The following EXOSC10 variants were observed in gnomAD, a reference collection of about 807,000 sequenced individuals.
The protein encoded by EXOSC10 is exosome complex component 10.
A neutral mutation model predicts 126.6 loss-of-function variants in EXOSC10; 94 were observed. That is an observed-to-expected ratio of 0.74 (90% CI 0.63 to 0.88). The LOEUF is 0.88. Ranked by LOEUF, EXOSC10 falls within the 40% of genes least tolerant of loss-of-function variation. The pLI is 0.00. For synonymous variants in EXOSC10, 395 were observed against 400.8 expected (o/e 0.99, Z 0.17); for missense variants, 1,041 against 1,100.5 (o/e 0.95, Z 0.77).
intron 17 of EXOSC10, among the ~76,000 whole-genome samples, chr1:11,076,240 C>G (rs773810202): frequency 2.6e-5 from 4 of 151,490 alleles, no homozygotes; most frequent in Non-Finnish European, 5.9e-5. Flanking sequence ...CCCAGCTACT[C>G]AGGAGGCTGA....
chr1:11,099,220 G>C (rs1368554127), intron 1 of EXOSC10, among the ~76,000 whole-genome samples: 1 of 152,242 alleles, frequency 6.6e-6, no homozygotes, highest in Non-Finnish European at 1.5e-5. Flanking sequence ...ATACCTTCCA[G>C]GAGTTACTAA....
Position 11,088,143 on chromosome 1 carries a change from G to A in EXOSC10, c.814C>T (p.Leu272Phe), listed in dbSNP as rs573868496. ...CTAACCTGGGGTTGTGGCTTTTGAA[G>A]CACTGCATCTGCTGGGGTAAAGTGA... is the stretch of plus-strand genomic sequence containing the variant. ...LNHFTPADAV[L>F]QKPQPQLYRP... Residue 272 changes from leucine (L) to phenylalanine (F), a missense_variant, in exon 7 of 25, where the codon CTT (leucine) becomes TTT (phenylalanine). Physicochemically the swap from Leu to Phe is conservative, Grantham distance 22. Coordinates refer to ENST00000376936, the MANE Select transcript of EXOSC10 (RefSeq NM_001001998.3). 1 of 1,613,464 alleles carries A rather than the reference G, an allele frequency of 6.2e-7. No homozygotes were observed. The highest frequency in any genetic ancestry group is 8.5e-7 in the Non-Finnish European group (1 of 1,179,800).
At position 11,091,434 on chromosome 1, in the gene EXOSC10, G is replaced by C. The variant is rs140142267; in HGVS notation, c.477+59C>G. On this transcript the variant is annotated intron_variant, in intron 4 of 24. Coordinates refer to ENST00000376936, the MANE Select transcript of EXOSC10 (RefSeq NM_001001998.3). ...AGAACAGAAATGCATGTTAGAATGA[G>C]CAAAATCTCTGTTATGAAGCTGACA... The C allele has an allele frequency of 1.5e-3, 2,149 of 1,439,080 alleles. 36 individuals are homozygous for C. The African/African-American group carries it at 0.027, about 18-fold the overall frequency. The allele number at this position is 1,439,080 out of a possible 1,614,324, so 89.1% of individuals were successfully genotyped here.
intron 9 of EXOSC10, among the ~76,000 whole-genome samples, chr1:11,084,178 T>A (rs963572716): frequency 6.6e-6 from 1 of 152,206 alleles, no homozygotes; most frequent in African/African-American, 2.4e-5. Flanking sequence ...GTATTTCTAG[T>A]TCTAGATCCC....
intron 6 of EXOSC10, among the ~76,000 whole-genome samples, chr1:11,089,175 G>A (rs1453718313): frequency 1.4e-5 from 2 of 144,242 alleles, no homozygotes; most frequent in South Asian, 2.2e-4. Flanking sequence ...AGGCTACAGT[G>A]AGCTATGATT....
chr1:11,087,323 A>T, intron 9 of EXOSC10, 125 bp downstream of exon 9: 2 of 1,123,626 alleles, frequency 1.8e-6, no homozygotes, highest in South Asian at 1.4e-5. Flanking sequence ...ACTGTACCCT[A>T]GTTAGGAAAT....
chr1:11,073,116 C>T (rs1168556046), intron 19 of EXOSC10: 4 of 152,158 alleles, frequency 2.6e-5, no homozygotes, highest in Non-Finnish European at 5.9e-5. Context: ...AGATTTGTTT[C>T]TTACAAAGTT....
chr1:11,079,916 G>A, intron 13 of EXOSC10, 94 bp from the exon 14 acceptor site: 1 of 1,006,420 alleles, frequency 9.9e-7, no homozygotes, highest in Non-Finnish European at 1.5e-6. Flanking sequence ...AAGCCAGGCT[G>A]CCACCTAAGC....
intron 3 of EXOSC10, among the ~76,000 whole-genome samples, chr1:11,094,792 G>C (rs1358529713): frequency 1.3e-5 from 2 of 151,706 alleles, no homozygotes; most frequent in Non-Finnish European, 2.9e-5. Context: ...GTAGAGACGG[G>C]GTTTCACCAT....
At chr1:11,081,357 T>A (rs1640157565) in intron 10 of EXOSC10, 119 bp from the exon 11 acceptor site, 1 of 1,074,824 alleles carries the variant, frequency 9.3e-7, no homozygotes. Flanking sequence ...CCTTTCATAG[T>A]CAATACTGCA....
chr1:11,083,431 G>A (rs1031985336), intron 9 of EXOSC10, among the ~76,000 whole-genome samples: 5 of 151,696 alleles, frequency 3.3e-5, no homozygotes, highest in Non-Finnish European at 5.9e-5. Context: ...GTGTGGTGGC[G>A]CATGCCTTTA....
At chr1:11,099,693 T>C in intron 1 of EXOSC10, 28 bp downstream of exon 1, 1 of 1,576,638 alleles carries the variant, frequency 6.3e-7, no homozygotes, top group Non-Finnish European at 8.6e-7. Context: ...GGGCGACTCC[T>C]GGTACCCCCG....
chr1:11,090,504 CAA>C (rs1052048640), intron 6 of EXOSC10, 48 bp downstream of exon 6: 1 of 1,467,396 alleles, frequency 6.8e-7, no homozygotes, highest in Non-Finnish European at 9.5e-7. Context: ...GAAAATGTGG[CAA>C]AAAGGTAAGT....
chr1:11,069,186 G>A (rs1639294767), intron 22 of EXOSC10, among the ~76,000 whole-genome samples: 1 of 146,774 alleles, frequency 6.8e-6, no homozygotes, highest in African/African-American at 2.5e-5. Flanking sequence ...AGCCATAGGG[G>A]TTCATGTCAT....
intron 2 of EXOSC10, among the ~76,000 whole-genome samples, chr1:11,097,585 G>C (rs1183534491): frequency 6.7e-6 from 1 of 149,430 alleles, no homozygotes; most frequent in East Asian, 2.0e-4. Context: ...AATTAGCTGG[G>C]CGTGTTGACG....
Position 11,097,372 on chromosome 1 carries a change from C to T in EXOSC10, c.248+648G>A, listed in dbSNP as rs112678921. On this transcript the variant is annotated intron_variant, in intron 2 of 24. Transcript: ENST00000376936. ...CAGCCTGGGTGATGGAGCGAGACTC[C>T]ATCTCAAAAAAAATAAAAATAAAAA... Among the ~76,000 whole-genome samples, 1,426 of 149,186 alleles carry T rather than the reference C, an allele frequency of 9.6e-3. 8 individuals are homozygous for T. The highest frequency in any genetic ancestry group is 0.014 in the Admixed American group (209 of 14,984).
intron 6 of EXOSC10, among the ~76,000 whole-genome samples, chr1:11,089,342 G>T (rs144943402): frequency 6.6e-6 from 1 of 151,864 alleles, no homozygotes; most frequent in African/African-American, 2.4e-5. Context: ...GGGTGCGGTG[G>T]CTCGGGCCTG....
At chr1:11,097,219 CAAA>C (rs768227312) in intron 2 of EXOSC10, among the ~76,000 whole-genome samples, 1 of 131,422 alleles carries the variant, frequency 7.6e-6, no homozygotes, top group Non-Finnish European at 1.7e-5. Flanking sequence ...TCCCCCCCAA[CAAA>C]AAAAAAAAAG....
intron 17 of EXOSC10, among the ~76,000 whole-genome samples, chr1:11,076,312 C>A (rs1194995552): frequency 6.6e-6 from 1 of 151,688 alleles, no homozygotes; most frequent in Non-Finnish European, 1.5e-5. Flanking sequence ...TGTGCCACTG[C>A]ATTCCAGCCT....
Sources: gnomAD v4.1 joint callset for allele counts (sites outside exome capture counted in the v4.1 genomes callset) on GRCh38, gnomAD v4.1.1 for gene constraint, MANE v1.5 for transcripts, NCBI Gene and HGNC (gene_info 2026-07-23, HGNC 2026-07-21) for gene names.